Variants in BANP observed in about 807,000 individuals in gnomAD.
BANP encodes protein BANP.
A neutral mutation model predicts 68.1 loss-of-function variants in BANP; 11 were observed. The ratio of observed to expected loss-of-function variants is 0.16; its 90% confidence interval spans 0.10 to 0.27. BANP has a LOEUF of 0.27. BANP is among the 10% of genes least tolerant of loss of function. The pLI, the probability that BANP is intolerant of heterozygous loss-of-function variation, is 1.00. For synonymous variants in BANP, 329 were observed against 303.2 expected (o/e 1.09, Z -0.88); for missense variants, 504 against 722.7 (o/e 0.70, Z 3.47).
chr16:88,068,903 T>G (rs1371045040), intron 12 of BANP, among the ~76,000 whole-genome samples: 2 of 149,870 alleles, frequency 1.3e-5, no homozygotes, highest in Admixed American at 1.3e-4. Flanking sequence ...CCCCAGCCTG[T>G]GGTCTGAGCC....
chr16:87,978,656 C>T (rs546610124), intron 2 of BANP: 231 of 470,022 alleles, frequency 4.9e-4, no homozygotes, highest in African/African-American at 4.3e-3. Context: ...TCAAGGGACA[C>T]CCGCACCTCA....
chr16:88,064,898 G>A lies in BANP; in HGVS notation c.1312-369G>A, dbSNP rs1272340132. Among the ~76,000 whole-genome samples the A allele has an allele frequency of 1.3e-5, 2 of 152,208 alleles. No individual in the cohort carries two copies. Among genetic ancestry groups the A allele is most frequent in the South Asian group, 2.1e-4 (1 of 4,836 alleles). On this transcript the variant is annotated intron_variant, in intron 11 of 13. Coordinates refer to ENST00000682872, the MANE Select transcript of BANP (RefSeq NM_001386991.1). The surrounding 1 kb of genome is among the most constrained non-coding windows in gnomAD (Gnocchi z 4.5). ...AGCCCAGTGGCCTCCAGGGGAACAC[G>A]AGTCATAGAGGACATTTCATTTTTT...
intron 7 of BANP, among the ~76,000 whole-genome samples, chr16:88,020,327 C>T (rs1473134348): frequency 1.3e-5 from 2 of 152,240 alleles, no homozygotes; most frequent in Admixed American, 6.5e-5. Flanking sequence ...GCCCACCACC[C>T]CCTCCACCCT....
At chr16:88,029,775 A>G (rs2077760382) in intron 8 of BANP, among the ~76,000 whole-genome samples, 1 of 152,254 alleles carries the variant, frequency 6.6e-6, no homozygotes, top group South Asian at 2.1e-4. Context: ...TCCTGAGAGA[A>G]GGAACATGAG....
chr16:88,043,860 AT>A (rs1209857392), intron 11 of BANP, among the ~76,000 whole-genome samples: 1 of 151,818 alleles, frequency 6.6e-6, no homozygotes, highest in African/African-American at 2.4e-5. Flanking sequence ...TTTGGTGCAG[AT>A]TTTCAGAAGA....
rs1460500275 is a variant in BANP at position 88,057,904 on chromosome 16, G to A, written c.1312-7363G>A. On this transcript the variant is annotated intron_variant, in intron 11 of 13. Coordinates refer to ENST00000682872, the MANE Select transcript of BANP (RefSeq NM_001386991.1). This position sits in a 1 kb window ranked among gnomAD's most constrained non-coding sequence, Gnocchi z 4.6. ...ACAGTGCGGTGCGGGGCAGCGAGTGGCCGCCTGTGTTCCGACAAGCCAGGC... is the reference window on the plus strand; with the variant it reads ...ACAGTGCGGTGCGGGGCAGCGAGTGACCGCCTGTGTTCCGACAAGCCAGGC... 6.6e-6 allele frequency among the ~76,000 whole-genome samples: 1 copy of A among 152,162 alleles called. No homozygotes were observed. The highest frequency in any genetic ancestry group is 1.5e-5 in the Non-Finnish European group (1 of 68,028).
chr16:88,001,431 T>G (rs974123262), intron 4 of BANP, among the ~76,000 whole-genome samples: 10 of 152,262 alleles, frequency 6.6e-5, no homozygotes, highest in African/African-American at 1.9e-4. Context: ...CTTAGCTGTG[T>G]TTTTTGTCAC....
At chr16:87,963,680 G>T (rs971834472) in intron 1 of BANP, among the ~76,000 whole-genome samples, 3 of 152,236 alleles carry the variant, frequency 2.0e-5, no homozygotes, top group African/African-American at 7.2e-5. Flanking sequence ...CCGTTACGTT[G>T]TGACACCCCT....
chr16:88,013,261 C>G (rs1355586275), intron 6 of BANP, among the ~76,000 whole-genome samples: 1 of 152,254 alleles, frequency 6.6e-6, no homozygotes, highest in Non-Finnish European at 1.5e-5. Flanking sequence ...CATGGGCTGG[C>G]TTAGCTGCTG....
rs749469975 is a variant in BANP at position 88,002,022 on chromosome 16, T to G, written c.363-2273T>G. On this transcript the variant is annotated intron_variant, in intron 4 of 13. Transcript: ENST00000682872. The surrounding 1 kb of genome is among the most constrained non-coding windows in gnomAD (Gnocchi z 4.6). ...GAAGAACGTGAATATGTCACCCACT[T>G]AGAACTAATTCTTGATAATAAAATA... Among the ~76,000 whole-genome samples, 5 of 152,226 alleles carry G rather than the reference T, an allele frequency of 3.3e-5. No individual in the cohort carries two copies. Among genetic ancestry groups the G allele is most frequent in the Non-Finnish European group, 5.9e-5 (4 of 68,036 alleles).
At chr16:87,958,947 A>G (rs1031649990) in intron 1 of BANP, among the ~76,000 whole-genome samples, 1 of 152,180 alleles carries the variant, frequency 6.6e-6, no homozygotes, top group African/African-American at 2.4e-5. Context: ...GAGAATTCTC[A>G]TGGGGGAGGG....
At chr16:88,056,780 T>G (rs4843782) in intron 11 of BANP, among the ~76,000 whole-genome samples, 13 of 152,226 alleles carry the variant, frequency 8.5e-5, no homozygotes, top group Non-Finnish European at 1.5e-4. Context: ...ATTCATTTCT[T>G]TTACCTGTCA....
chr16:88,058,882 C>A (rs1330261175), intron 11 of BANP, among the ~76,000 whole-genome samples: 3 of 152,016 alleles, frequency 2.0e-5, no homozygotes, highest in African/African-American at 7.2e-5. Context: ...ACGTTGACTC[C>A]CAAAGTGAGA....
chr16:88,039,013 C>T (rs891020476), intron 11 of BANP, among the ~76,000 whole-genome samples: 1 of 152,256 alleles, frequency 6.6e-6, no homozygotes, highest in African/African-American at 2.4e-5. Flanking sequence ...CCGACTGAGC[C>T]TGGTGCACTC....
chr16:88,022,645 G>A (rs1258392042), intron 7 of BANP, among the ~76,000 whole-genome samples: 2 of 152,190 alleles, frequency 1.3e-5, no homozygotes, highest in African/African-American at 4.8e-5. Flanking sequence ...TCACAGCCTG[G>A]CTGGCTTAGA....
At chr16:88,058,856 G>A (rs778272245) in intron 11 of BANP, among the ~76,000 whole-genome samples, 2 of 152,098 alleles carry the variant, frequency 1.3e-5, no homozygotes, top group African/African-American at 2.4e-5. Context: ...TATTTATAAT[G>A]TTCAGGGCAT....
rs555553940 is a variant in BANP at position 88,036,782 on chromosome 16, C to T, written c.1273-1191C>T. Among the ~76,000 whole-genome samples the T allele has an allele frequency of 3.9e-5, 6 of 152,242 alleles. No homozygotes were observed. The highest frequency in any genetic ancestry group is 2.6e-4 in the Admixed American group (4 of 15,296). ...AGCAGGGCGGGGAGCAGGTAGGGGA[C>T]GGTCCCAGGAGGCCAGAGTGTCCAG... On this transcript the variant is annotated intron_variant, in intron 10 of 13. Coordinates refer to ENST00000682872, the MANE Select transcript of BANP (RefSeq NM_001386991.1). This position sits in a 1 kb window ranked among gnomAD's most constrained non-coding sequence, Gnocchi z 4.2.
chr16:87,992,767 C>A (rs2066197425), intron 4 of BANP, among the ~76,000 whole-genome samples: 1 of 149,028 alleles, frequency 6.7e-6, no homozygotes, highest in Admixed American at 6.7e-5. Context: ...GCACTCCAGC[C>A]TGGGAGACAG....
intron 2 of BANP, among the ~76,000 whole-genome samples, chr16:87,979,425 G>A (rs1262396252): frequency 6.6e-6 from 1 of 152,184 alleles, no homozygotes; most frequent in South Asian, 2.1e-4. Context: ...GTATAAACCG[G>A]TGTGAGTTGA....
Sources: allele counts gnomAD v4.1 joint callset (sites outside exome capture counted in the v4.1 genomes callset), GRCh38; gene constraint gnomAD v4.1.1; non-coding constraint Gnocchi (gnomAD v3.1); transcripts MANE v1.5; gene names NCBI Gene and HGNC (gene_info 2026-07-23, HGNC 2026-07-21).